The following PCDHGA1 variants were observed in gnomAD, a reference collection of about 807,000 sequenced individuals.
PCDHGA1 encodes the protein protocadherin gamma-A1.
PCDHGA1 carries 32 observed loss-of-function variants against 58.0 expected under a neutral mutation model. That is an observed-to-expected ratio of 0.55 (90% CI 0.42 to 0.74). The LOEUF is 0.74. PCDHGA1 is among the 30% of genes least tolerant of loss of function. The pLI, the probability that PCDHGA1 is intolerant of heterozygous loss-of-function variation, is 0.00. For missense variants in PCDHGA1, 1,205 were observed against 1,182.3 expected, an observed-to-expected ratio of 1.02 and a Z score of -0.28; for synonymous variants, 498 against 501.1, an observed-to-expected ratio of 0.99 and a Z score of 0.08.
Position 141,490,351 on chromosome 5 carries a change from T to C in PCDHGA1, c.2422-4456T>C. Reference sequence around the variant, plus strand: ...CACACCAGTGGGCACAGTAGTGGGGTTGTTTAATGTGCGAGACCGGGACTC... The same window carrying C: ...CACACCAGTGGGCACAGTAGTGGGGCTGTTTAATGTGCGAGACCGGGACTC... On this transcript the variant is annotated intron_variant, in intron 1 of 3. Transcript: ENST00000517417. The surrounding 1 kb of genome is among the most constrained non-coding windows in gnomAD (Gnocchi z 5.4). 6.2e-7 allele frequency: 1 copy of C among 1,614,028 alleles called. No individual in the cohort carries two copies. The highest frequency in any genetic ancestry group is 1.3e-5 in the African/African-American group (1 of 74,976).
At chr5:141,409,984 GGACGCC>G (rs2095344357) in intron 1 of PCDHGA1, 1 of 1,613,210 alleles carries the variant, frequency 6.2e-7, no homozygotes, top group Admixed American at 1.7e-5. Context: ...TGGTAGCGGT[GGACGCC>G]GACTCGGGAC....
chr5:141,388,712 G>A, intron 1 of PCDHGA1: 1 of 1,613,986 alleles, frequency 6.2e-7, no homozygotes. Flanking sequence ...TCAATGCCGA[G>A]ATTACTTTCT....
chr5:141,370,142 C>T, intron 1 of PCDHGA1: 2 of 430,642 alleles, frequency 4.6e-6, no homozygotes, highest in Non-Finnish European at 8.1e-6. Flanking sequence ...GATTTAGTCA[C>T]CATTACTGCA....
At position 141,330,878 on chromosome 5, in the gene PCDHGA1, G is replaced by A. The variant is rs772876556; in HGVS notation, c.194G>A (p.Arg65His). Residue 65 changes from arginine to histidine, a missense_variant, in exon 1 of 4, where the codon CGC becomes CAC. Arg to His is a conservative substitution (Grantham distance 29, BLOSUM62 0). Transcript: ENST00000517417. ...QPQELADGGV[R>H]IVSRGRMPLF... ...CAGGAGCTGGCAGATGGCGGAGTCC[G>A]CATCGTCTCCAGAGGTAGGATGCCG... 6.2e-7 allele frequency: 1 copy of A among 1,614,068 alleles called. No homozygotes were observed. Among genetic ancestry groups the A allele is most frequent in the African/African-American group, 1.3e-5 (1 of 74,916 alleles).
intron 1 of PCDHGA1, chr5:141,376,465 T>A: frequency 1.9e-6 from 3 of 1,614,178 alleles, no homozygotes; most frequent in East Asian, 2.2e-5. Flanking sequence ...TTCTGATAAC[T>A]CAGGATTTAC....
intron 1 of PCDHGA1, among the ~76,000 whole-genome samples, chr5:141,430,380 TG>T (rs1376875091): frequency 6.8e-6 from 1 of 147,890 alleles, no homozygotes; most frequent in Non-Finnish European, 1.5e-5. Flanking sequence ...AAAAGCTCAT[TG>T]GGAAAAAAAA....
intron 1 of PCDHGA1, among the ~76,000 whole-genome samples, chr5:141,368,347 A>C (rs1019571086): frequency 1.3e-5 from 2 of 152,112 alleles, no homozygotes; most frequent in Non-Finnish European, 2.9e-5. Context: ...ATACATATAC[A>C]CACACATATA....
intron 1 of PCDHGA1, among the ~76,000 whole-genome samples, chr5:141,483,658 G>C (rs906346163): frequency 1.4e-4 from 22 of 152,028 alleles, no homozygotes; most frequent in Non-Finnish European, 2.4e-4. Context: ...TTGTGTGTGT[G>C]TGTGTGTGTG....
At chr5:141,371,875 G>A in intron 1 of PCDHGA1, 1 of 1,613,506 alleles carries the variant, frequency 6.2e-7, no homozygotes, top group Non-Finnish European at 8.5e-7. Flanking sequence ...ATCGTGGCCA[G>A]TGACCTGGAG....
intron 3 of PCDHGA1, 154 bp from the exon 4 acceptor site, chr5:141,510,793 G>GAGA: frequency 1.1e-6 from 1 of 935,078 alleles, no homozygotes; most frequent in Non-Finnish European, 1.3e-6. Context: ...CTCTTGTGAA[G>GAGA]AGAGACTACC....
At position 141,431,823 on chromosome 5, in the gene PCDHGA1, CG is replaced by C. The variant is rs754257436; in HGVS notation, c.2422-62982del. ...GTGGTCCTCACCTCTCTCGCCAGCTCGGTTCCCGAAAACTCTCCCAGAGGGA... is the reference window on the plus strand; with the variant it reads ...GTGGTCCTCACCTCTCTCGCCAGCTCGTTCCCGAAAACTCTCCCAGAGGGA... On this transcript the variant is annotated intron_variant, in intron 1 of 3. Transcript: ENST00000517417. The surrounding 1 kb of genome is among the most constrained non-coding windows in gnomAD (Gnocchi z 4.8). 2.5e-6 allele frequency: 4 copies of C among 1,614,142 alleles called. No homozygotes were observed. In the East Asian group the frequency reaches 8.9e-5, roughly 36 times the overall value.
At position 141,331,260 on chromosome 5, in the gene PCDHGA1, A is replaced by G. The variant is rs754964805; in HGVS notation, c.576A>G (p.Pro192=). The change falls in exon 1 of 4, where the codon CCA becomes CCG. Residue 192 remains proline, a synonymous_variant. Transcript: ENST00000517417. ...VQQGADGPQH[P]EMVLQSPLDR... ...AGGGAGCCGATGGGCCTCAACATCCAGAGATGGTGCTGCAGAGTCCCTTAG... is the reference window on the plus strand; with the variant it reads ...AGGGAGCCGATGGGCCTCAACATCCGGAGATGGTGCTGCAGAGTCCCTTAG... The G allele has an allele frequency of 2.7e-5, 43 of 1,614,010 alleles. No individual in the cohort carries two copies. Among genetic ancestry groups the G allele is most frequent in the Non-Finnish European group, 3.6e-5 (42 of 1,180,044 alleles).
chr5:141,393,574 A>T (rs2092798550), intron 1 of PCDHGA1: 2 of 1,613,798 alleles, frequency 1.2e-6, no homozygotes, highest in Non-Finnish European at 1.7e-6. Context: ...GTCCTTGAGA[A>T]CATGCCCCCA....
rs1160156030 is a variant in PCDHGA1 at position 141,477,238 on chromosome 5, C to T, written c.2422-17569C>T. 20 of 1,614,094 alleles carry T rather than the reference C, an allele frequency of 1.2e-5. No individual in the cohort carries two copies. The highest frequency in any genetic ancestry group is 5.0e-5 in the Admixed American group (3 of 60,006). The stretch of plus-strand genomic sequence containing the variant: ...CTCTGGGGACTGTCATCGCTTTGCT[C>T]AGTGTGACTGACCTGGATGCTGGCG... On this transcript the variant is annotated intron_variant, in intron 1 of 3. Transcript: ENST00000517417. This position sits in a 1 kb window ranked among gnomAD's most constrained non-coding sequence, Gnocchi z 4.9.
At chr5:141,474,215 A>G (rs1393533136) in intron 1 of PCDHGA1, among the ~76,000 whole-genome samples, 1 of 152,216 alleles carries the variant, frequency 6.6e-6, no homozygotes, top group East Asian at 1.9e-4. Context: ...CAAAAACCAG[A>G]TTGTGAATTA....
intron 1 of PCDHGA1, among the ~76,000 whole-genome samples, chr5:141,483,393 C>T (rs1475344614): frequency 6.6e-6 from 1 of 152,080 alleles, no homozygotes; most frequent in Admixed American, 6.5e-5. Flanking sequence ...TTGATAAATG[C>T]TTGAACCAGC....
chr5:141,400,080 C>T (rs375308173), intron 1 of PCDHGA1: 219 of 1,614,010 alleles, frequency 1.4e-4, no homozygotes, highest in East Asian at 2.9e-4. Flanking sequence ...CGCCACTCTC[C>T]GCCACCGCCA....
chr5:141,432,870 T>C lies in PCDHGA1; in HGVS notation c.2422-61937T>C, dbSNP rs1022024380. The stretch of plus-strand genomic sequence containing the variant: ...GCGGTGGCCGCGGTCTCCTGCGTCT[T>C]CCTGGCCTTCGTCATCTTGCTGCTG... On this transcript the variant is annotated intron_variant, in intron 1 of 3. Transcript: ENST00000517417. This position sits in a 1 kb window ranked among gnomAD's most constrained non-coding sequence, Gnocchi z 6.0. The C allele has an allele frequency of 1.9e-6, 3 of 1,614,030 alleles. No homozygotes were observed. In the African/African-American group the frequency reaches 4.0e-5, roughly 22 times the overall value.
intron 1 of PCDHGA1, chr5:141,391,563 A>T (rs545672465): frequency 5.3e-5 from 8 of 152,322 alleles, no homozygotes; most frequent in Admixed American, 2.0e-4. Context: ...TTCCATATGC[A>T]TAAGAAAATA....
Sources: allele counts gnomAD v4.1 joint callset (sites outside exome capture counted in the v4.1 genomes callset), GRCh38; gene constraint gnomAD v4.1.1; non-coding constraint Gnocchi (gnomAD v3.1); transcripts MANE v1.5; gene names NCBI Gene and HGNC (gene_info 2026-07-23, HGNC 2026-07-21).